The following BMERB1 variants were observed in gnomAD, a reference collection of about 807,000 sequenced individuals.
BMERB1 encodes bMERB domain-containing protein 1.
Under a neutral mutation model 23.6 loss-of-function variants are expected in BMERB1, and 12 were observed. That is an observed-to-expected ratio of 0.51 (90% CI 0.33 to 0.82). BMERB1 has a LOEUF of 0.82. Ranked by LOEUF, BMERB1 falls within the 40% of genes least tolerant of loss-of-function variation. The pLI is 0.03. For missense variants in BMERB1, 247 were observed against 255.4 expected (o/e 0.97, Z 0.22); for synonymous variants, 122 against 96.6 (o/e 1.26, Z -1.54).
chr16:15,582,449 T>C (rs2031038154), intron 4 of BMERB1, among the ~76,000 whole-genome samples: 1 of 152,014 alleles, frequency 6.6e-6, no homozygotes. Context: ...AAATATTATA[T>C]TCTCCTTACC....
At chr16:15,476,394 C>G (rs1017506492) in intron 1 of BMERB1, among the ~76,000 whole-genome samples, 1 of 152,144 alleles carries the variant, frequency 6.6e-6, no homozygotes, top group Non-Finnish European at 1.5e-5. Flanking sequence ...AACTCCTTAC[C>G]TCAGGCAATT....
At chr16:15,586,053 C>T (rs2031131053) in intron 5 of BMERB1, among the ~76,000 whole-genome samples, 1 of 152,050 alleles carries the variant, frequency 6.6e-6, no homozygotes, top group Admixed American at 6.6e-5. Flanking sequence ...ATGCAAAAAA[C>T]TGGCCTTCTG....
rs969918952 is a variant in BMERB1, at chr16:15,515,222, G to A, written c.107-83G>A. 6 of 1,592,224 alleles carry A rather than the reference G, an allele frequency of 3.8e-6. No homozygotes were observed. In the African/African-American group the frequency reaches 5.4e-5, roughly 14 times the overall value. On this transcript the variant is annotated intron_variant, in intron 1 of 5. Coordinates refer to ENST00000300006, the MANE Select transcript of BMERB1 (RefSeq NM_033201.3). ...AGGTGTATGATGGTCGCAGAGCAAG[G>A]CTGTGCCCTGGAACCATGTCAGGGT... is the stretch of plus-strand genomic sequence containing the variant.
At chr16:15,567,382 T>C (rs1312088146) in intron 2 of BMERB1, among the ~76,000 whole-genome samples, 1 of 152,142 alleles carries the variant, frequency 6.6e-6, no homozygotes, top group Non-Finnish European at 1.5e-5. Flanking sequence ...ATATGCCATA[T>C]GAACCCACTT....
At chr16:15,549,563 C>T (rs1162722035) in intron 2 of BMERB1, among the ~76,000 whole-genome samples, 1 of 151,780 alleles carries the variant, frequency 6.6e-6, no homozygotes, top group Non-Finnish European at 1.5e-5. Flanking sequence ...CCTGTAGTCC[C>T]AGCTACTCAG....
intron 2 of BMERB1, among the ~76,000 whole-genome samples, chr16:15,528,098 G>A (rs1464738322): frequency 6.6e-6 from 1 of 152,126 alleles, no homozygotes; most frequent in Non-Finnish European, 1.5e-5. Flanking sequence ...GTCCGTTCCT[G>A]TTGCTGTAAC....
chr16:15,511,619 A>G (rs1171728337), intron 1 of BMERB1, among the ~76,000 whole-genome samples: 1 of 152,146 alleles, frequency 6.6e-6, no homozygotes, highest in Non-Finnish European at 1.5e-5. Context: ...AGAGGAGAAA[A>G]TCTTCAATAG....
At chr16:15,566,021 A>G (rs1048592929) in intron 2 of BMERB1, among the ~76,000 whole-genome samples, 1 of 151,056 alleles carries the variant, frequency 6.6e-6, no homozygotes, top group African/African-American at 2.5e-5. Context: ...ATGGAGAAGA[A>G]GCCTTAGAGG....
chr16:15,558,193 G>A (rs1373696336), intron 2 of BMERB1, among the ~76,000 whole-genome samples: 3 of 152,084 alleles, frequency 2.0e-5, no homozygotes, highest in South Asian at 2.1e-4. Context: ...TCTGCCCATG[G>A]GTAGTAAGCC....
At chr16:15,526,604 C>T (rs1374151574) in intron 2 of BMERB1, among the ~76,000 whole-genome samples, 6 of 137,332 alleles carry the variant, frequency 4.4e-5, no homozygotes, top group East Asian at 2.1e-4. Flanking sequence ...GTGGAGGTTG[C>T]AGTGAGCTGA....
chr16:15,515,495 T>G, intron 2 of BMERB1, 67 bp downstream of exon 2: 1 of 1,557,914 alleles, frequency 6.4e-7, no homozygotes, highest in East Asian at 2.3e-5. Flanking sequence ...CTAATATTTG[T>G]TGATCGTCTA....
At chr16:15,510,085 G>T (rs1302149199) in intron 1 of BMERB1, among the ~76,000 whole-genome samples, 1 of 152,136 alleles carries the variant, frequency 6.6e-6, no homozygotes, top group Admixed American at 6.5e-5. Context: ...GGCTGCAAGG[G>T]CCAAGAAAAG....
intron 1 of BMERB1, among the ~76,000 whole-genome samples, chr16:15,461,976 CAAAA>C (rs1235017095): frequency 1.3e-5 from 2 of 151,808 alleles, no homozygotes; most frequent in Non-Finnish European, 2.9e-5. Context: ...CAACAACAAA[CAAAA>C]AACTCCCCCA....
intron 5 of BMERB1, chr16:15,583,959 A>G: frequency 1.4e-6 from 1 of 696,588 alleles, no homozygotes; most frequent in South Asian, 1.5e-5. Flanking sequence ...CATTTCATAG[A>G]AAGAATTGGG....
At chr16:15,540,631 A>G (rs1227887102) in intron 2 of BMERB1, among the ~76,000 whole-genome samples, 3 of 152,206 alleles carry the variant, frequency 2.0e-5, no homozygotes, top group Non-Finnish European at 4.4e-5. Flanking sequence ...CCTGAGCCAC[A>G]CTTTTCCTTC....
At chr16:15,560,050 T>C (rs1257306061) in intron 2 of BMERB1, among the ~76,000 whole-genome samples, 1 of 152,176 alleles carries the variant, frequency 6.6e-6, no homozygotes, top group East Asian at 1.9e-4. Flanking sequence ...TAGGACCTGA[T>C]GGTCCTCCTT....
chr16:15,542,003 C>T (rs989239371), intron 2 of BMERB1, among the ~76,000 whole-genome samples: 1 of 151,004 alleles, frequency 6.6e-6, no homozygotes, highest in Non-Finnish European at 1.5e-5. Flanking sequence ...GGCTCAGCCA[C>T]CTGAGTAGCT....
At chr16:15,513,383 C>A (rs778469289) in intron 1 of BMERB1, among the ~76,000 whole-genome samples, 1 of 151,878 alleles carries the variant, frequency 6.6e-6, no homozygotes, top group Non-Finnish European at 1.5e-5. Flanking sequence ...ATGCTGCTGC[C>A]GAGGAAGACC....
At chr16:15,437,423 G>A (rs540866195) in intron 1 of BMERB1, among the ~76,000 whole-genome samples, 1 of 152,098 alleles carries the variant, frequency 6.6e-6, no homozygotes. Context: ...TGCTCAATAC[G>A]TATTGTTCAC....
Sources: allele counts gnomAD v4.1 joint callset (sites outside exome capture counted in the v4.1 genomes callset), GRCh38; gene constraint gnomAD v4.1.1; transcripts MANE v1.5; gene names NCBI Gene and HGNC (gene_info 2026-07-23, HGNC 2026-07-21).